The following HIF3A variants were observed in gnomAD, a reference collection of about 807,000 sequenced individuals.
The protein encoded by HIF3A is hypoxia-inducible factor 3-alpha.
HIF3A carries 41 observed loss-of-function variants against 67.2 expected under a neutral mutation model. The observed-to-expected ratio is 0.61, with a 90% CI of 0.48 to 0.79. The LOEUF (loss-of-function observed/expected upper bound fraction) is 0.79. Among genes scored for constraint, HIF3A ranks in the 30% least tolerant of loss-of-function variants. The probability of loss-of-function intolerance (pLI) is 0.00; values close to 1 mark genes in which losing one functional copy is unlikely to be tolerated. For synonymous variants in HIF3A, 356 were observed against 374.8 expected (o/e 0.95, Z 0.58); for missense variants, 855 against 898.0 (o/e 0.95, Z 0.61).
intron 8 of HIF3A, among the ~76,000 whole-genome samples, chr19:46,313,664 A>ATTTTT (rs34143893): frequency 2.3e-5 from 3 of 130,598 alleles, no homozygotes; most frequent in African/African-American, 2.9e-5. Flanking sequence ...AATTACCACG[A>ATTTTT]TTTTTTTTTT....
At chr19:46,310,080 C>T (rs2160150) in intron 6 of HIF3A, among the ~76,000 whole-genome samples, 91,227 of 151,936 alleles carry the variant, frequency 0.6, 28,135 homozygotes, top group Non-Finnish European at 0.69. Context: ...CAAAAATTAG[C>T]TGGGCATGGT....
Position 46,309,246 on chromosome 19 carries a change from G to C in HIF3A, c.657G>C (p.Leu219=). Residue 219 remains leucine, a synonymous_variant, in exon 6 of 15, where the codon CTG becomes CTC. Coordinates refer to ENST00000377670, the MANE Select transcript of HIF3A (RefSeq NM_152795.4). ...SPDSEPPLQC[L]VLICEAIPHP... The stretch of plus-strand genomic sequence containing the variant: ...ACTCAGAGCCCCCGCTGCAGTGCCT[G>C]GTGCTCATCTGCGAAGCCATCCCCC... 10 of 1,614,024 alleles carry C rather than the reference G, an allele frequency of 6.2e-6. No individual in the cohort carries two copies. Among genetic ancestry groups the C allele is most frequent in the Non-Finnish European group, 7.6e-6 (9 of 1,179,962 alleles).
At position 46,305,245 on chromosome 19, in the gene HIF3A, G is replaced by A. The variant is rs1968737807; in HGVS notation, c.218G>A (p.Gly73Glu). Residue 73 changes from glycine to glutamate, a missense_variant and splice_region_variant, in exon 3 of 15, where the codon GGG (glycine) becomes GAG (glutamate). Around this residue, in one of 3 missense-constraint regions of HIF3A, gnomAD observed 638 missense variants for 660.5 expected, o/e 0.97. Transcript: ENST00000377670. Reference protein sequence around the residue: ...YLRMHRLCAAGEWNQVGAGGE... With the variant: ...YLRMHRLCAAEEWNQVGAGGE... ...CCCATCCCCCTGCCCCGGGCACCAG[G>A]GGAGTGGAACCAGGTGGGAGCAGGG... The A allele has an allele frequency of 1.9e-6, 3 of 1,613,926 alleles. No homozygotes were observed. The highest frequency in any genetic ancestry group is 4.5e-5 in the East Asian group (2 of 44,884).
Position 46,309,370 on chromosome 19 carries a change from GCC to G in HIF3A, c.770+15_770+16del. ...CTACTGTGACGACAGGTGGGCAGGGGCCCCCTCTTCCGTCTGCCCAAGTTCAA... is the reference window on the plus strand; with the variant it reads ...CTACTGTGACGACAGGTGGGCAGGGGCCCTCTTCCGTCTGCCCAAGTTCAA... On this transcript the variant is annotated intron_variant, in intron 6 of 14. Transcript: ENST00000377670. 1 of 1,583,736 alleles carries G rather than the reference GCC, an allele frequency of 6.3e-7. No individual in the cohort carries two copies. Among genetic ancestry groups the G allele is most frequent in the Non-Finnish European group, 8.6e-7 (1 of 1,164,590 alleles).
intron 6 of HIF3A, among the ~76,000 whole-genome samples, chr19:46,309,735 A>G (rs1969261576): frequency 6.6e-6 from 1 of 151,940 alleles, no homozygotes; most frequent in Non-Finnish European, 1.5e-5. Context: ...CTTTTCTTAA[A>G]TGAGTCAATT....
At chr19:46,319,293 G>C (rs956403413) in intron 8 of HIF3A, among the ~76,000 whole-genome samples, 1 of 152,150 alleles carries the variant, frequency 6.6e-6, no homozygotes, top group Non-Finnish European at 1.5e-5. Context: ...CCAGCCCAGG[G>C]AGGGTTTATT....
Position 46,321,896 on chromosome 19 carries a change from T to C in HIF3A, c.1265T>C (p.Leu422Pro), listed in dbSNP as rs1391691841. ...PDLRRLLGPI[L>P]DGASVAATPS... ...CTCCGTCGCCTCCTGGGACCCATCC[T>C]GGATGGGGCTTCAGTAGCAGCCACT... The change falls in exon 10 of 15, where the codon CTG becomes CCG. Residue 422 changes from leucine to proline, a missense_variant. Leu to Pro is a moderately conservative substitution (Grantham distance 98). Transcript: ENST00000377670. The C allele has an allele frequency of 6.2e-7, 1 of 1,613,958 alleles. No homozygotes were observed. The highest frequency in any genetic ancestry group is 1.1e-5 in the South Asian group (1 of 91,084).
chr19:46,322,335 A>G (rs1048422907), intron 10 of HIF3A, among the ~76,000 whole-genome samples: 1 of 152,042 alleles, frequency 6.6e-6, no homozygotes, highest in African/African-American at 2.4e-5. Context: ...GGCATCATCT[A>G]CCTGGAGATA....
At position 46,303,846 on chromosome 19, in the gene HIF3A, C is replaced by G. The variant is rs765754233; in HGVS notation, c.27-52C>G. 2.5e-6 allele frequency: 4 copies of G among 1,572,970 alleles called. No individual in the cohort carries two copies. In the Admixed American group the frequency reaches 5.5e-5, roughly 22 times the overall value. On this transcript the variant is annotated intron_variant, in intron 1 of 14. Transcript: ENST00000377670. ...CAGCTCCCCACGTGCTCGTCCCGTC[C>G]TCCTTTTCTCTTTCCCGAGTCACCA...
intron 1 of HIF3A, among the ~76,000 whole-genome samples, chr19:46,299,206 T>C (rs927486090): frequency 6.6e-6 from 1 of 151,970 alleles, no homozygotes; most frequent in Non-Finnish European, 1.5e-5. Flanking sequence ...GGGCTGGGCA[T>C]GGGGCCAGCT....
chr19:46,301,643 T>C (rs1309575795), intron 1 of HIF3A, among the ~76,000 whole-genome samples: 3 of 152,042 alleles, frequency 2.0e-5, no homozygotes, highest in Admixed American at 2.0e-4. Flanking sequence ...CTGGCCAACA[T>C]AGCGAAACCC....
At position 46,329,439 on chromosome 19, in the gene HIF3A, A is replaced by G. The variant is rs1325925976; in HGVS notation, c.1673A>G (p.Asp558Gly). Residue 558 changes from aspartate (D) to glycine (G), a missense_variant, in exon 12 of 15, where the codon GAC becomes GGC. Asp to Gly is a moderately conservative substitution (Grantham distance 94). Around this residue, in one of 3 missense-constraint regions of HIF3A, gnomAD observed 199 missense variants for 193.8 expected, o/e 1.03. Transcript: ENST00000377670. ...RLSCSSPSRG[D>G]PSASSPMAGA... Reference sequence around the variant, plus strand: ...AGCTGCTCCAGCCCTTCCAGAGGGGACCCCTCAGCATCCTCTCCCATGGCT... The same window carrying G: ...AGCTGCTCCAGCCCTTCCAGAGGGGGCCCCTCAGCATCCTCTCCCATGGCT... The G allele has an allele frequency of 1.3e-6, 2 of 1,562,482 alleles. No homozygotes were observed. The highest frequency in any genetic ancestry group is 1.9e-5 in the Admixed American group (1 of 53,354).
intron 8 of HIF3A, among the ~76,000 whole-genome samples, chr19:46,319,730 C>T (rs1970209360): frequency 6.6e-6 from 1 of 152,038 alleles, no homozygotes; most frequent in African/African-American, 2.4e-5. Flanking sequence ...TATTCTGAAG[C>T]CTTTCGCTCA....
intron 2 of HIF3A, among the ~76,000 whole-genome samples, chr19:46,304,853 G>GT (rs11393349): frequency 0.27 from 40,312 of 151,850 alleles, 5,660 homozygotes; most frequent in East Asian, 0.49. Context: ...CCCTCCATGA[G>GT]TTTGAACCCC....
In HIF3A at chr19:46,333,414, C is replaced by T. The variant is rs745616894; in HGVS notation, c.1831-1491C>T. On this transcript the variant is annotated intron_variant, in intron 13 of 14. Coordinates refer to ENST00000377670, the MANE Select transcript of HIF3A (RefSeq NM_152795.4). ...GCGGGGTGGTCACTGGATCCTGCAGCGAGTGGAGTCCAGCTAATGAGGGCT... is the reference window on the plus strand; with the variant it reads ...GCGGGGTGGTCACTGGATCCTGCAGTGAGTGGAGTCCAGCTAATGAGGGCT... 1.2e-4 allele frequency among the ~76,000 whole-genome samples: 18 copies of T among 152,068 alleles called. 1 individual carries two copies. The highest frequency in any genetic ancestry group is 2.4e-4 in the Non-Finnish European group (16 of 67,996).
rs1423202660 is a variant in HIF3A, at chr19:46,303,948, G to A, written c.77G>A (p.Arg26Gln). 1.9e-6 allele frequency: 3 copies of A among 1,606,684 alleles called. No homozygotes were observed. The highest frequency in any genetic ancestry group is 2.2e-5 in the East Asian group (1 of 44,670). ...KEKSRDAARS[R>Q]RSQETEVLYQ... Reference sequence around the variant, plus strand: ...AAGTCCCGGGATGCGGCCCGCAGCCGGCGCAGCCAGGAGACCGAGGTGCTG... The same window carrying A: ...AAGTCCCGGGATGCGGCCCGCAGCCAGCGCAGCCAGGAGACCGAGGTGCTG... The change falls in exon 2 of 15, where the codon CGG becomes CAG. Residue 26 changes from arginine (R) to glutamine (Q), a missense_variant. Arg to Gln is a conservative substitution (Grantham distance 43). Around this residue, in one of 3 missense-constraint regions of HIF3A, gnomAD observed 638 missense variants for 660.5 expected, o/e 0.97. Coordinates refer to ENST00000377670, the MANE Select transcript of HIF3A (RefSeq NM_152795.4).
At chr19:46,317,183 A>C (rs949412349) in intron 8 of HIF3A, among the ~76,000 whole-genome samples, 1 of 151,908 alleles carries the variant, frequency 6.6e-6, no homozygotes, top group African/African-American at 2.4e-5. Context: ...GGCTTCCCAA[A>C]ATGCTGGGAT....
At chr19:46,307,999 C>T (rs62135344) in intron 3 of HIF3A, among the ~76,000 whole-genome samples, 14,386 of 48,774 alleles carry the variant, frequency 0.29, 756 homozygotes, top group Non-Finnish European at 0.32. Flanking sequence ...GACAGACAGA[C>T]AGATAGATAG....
intron 3 of HIF3A, among the ~76,000 whole-genome samples, chr19:46,307,999 C>CAGACAGACAGATAGAT (rs1555778658): frequency 2.0e-5 from 1 of 49,304 alleles, no homozygotes; most frequent in African/African-American, 7.0e-5. Flanking sequence ...GACAGACAGA[C>CAGACAGACAGATAGAT]AGATAGATAG....
Sources: gnomAD v4.1 joint callset for allele counts (sites outside exome capture counted in the v4.1 genomes callset) on GRCh38, gnomAD v4.1.1 for gene constraint, gnomAD v4.1.1 regional missense constraint, MANE v1.5 for transcripts, NCBI Gene and HGNC (gene_info 2026-07-23, HGNC 2026-07-21) for gene names.